Variants in PLCH1 observed in about 807,000 individuals in gnomAD.
PLCH1 encodes the protein phospholipase C eta 1.
Under a neutral mutation model 126.7 loss-of-function variants are expected in PLCH1, and 60 were observed. The observed-to-expected ratio is 0.47, with a 90% CI of 0.38 to 0.59. The LOEUF is 0.59. Ranked by LOEUF, PLCH1 falls within the 20% of genes least tolerant of loss-of-function variation. The pLI, the probability that PLCH1 is intolerant of heterozygous loss-of-function variation, is 0.00. For synonymous variants in PLCH1, 719 were observed against 734.9 expected (o/e 0.98, Z 0.35); for missense variants, 1,723 against 2,040.0 (o/e 0.84, Z 2.99).
Position 155,563,988 on chromosome 3 carries a change from A to G in PLCH1, c.1069+927T>C, listed in dbSNP as rs143953736. Among the ~76,000 whole-genome samples the G allele has an allele frequency of 1.9e-3, 282 of 152,134 alleles. 1 individual carries two copies. The Middle Eastern group carries it at 0.034, about 18-fold the overall frequency. ...GTCTCACTGTGTTGCTCAGACTGGAATGCAATAGCTATTCACAGGCACAAT... is the reference window on the plus strand; with the variant it reads ...GTCTCACTGTGTTGCTCAGACTGGAGTGCAATAGCTATTCACAGGCACAAT... On this transcript the variant is annotated intron_variant, in intron 8 of 22. Transcript: ENST00000460012.
intron 2 of PLCH1, 34 bp from the exon 3 acceptor site, chr3:155,596,412 C>T (rs764941075): frequency 1.3e-6 from 2 of 1,589,338 alleles, no homozygotes; most frequent in Non-Finnish European, 1.7e-6. Flanking sequence ...CCAGCTATCA[C>T]ACAATGCACA....
chr3:155,623,454 C>A (rs999599903), intron 2 of PLCH1, among the ~76,000 whole-genome samples: 9 of 151,774 alleles, frequency 5.9e-5, no homozygotes, highest in Non-Finnish European at 1.3e-4. Context: ...TCAAAAAAAA[C>A]CAATGAATCC....
In PLCH1 at chr3:155,740,343, A is replaced by G. The variant is rs6806577; in HGVS notation, c.-41+4497T>C. On this transcript the variant is annotated intron_variant, in intron 1 of 22. Transcript: ENST00000460012. ...GGAGAATCACTTGAACCCAGGAGGT[A>G]GAGGTTGCAGTGAGCCAAGATCTAC... is the stretch of plus-strand genomic sequence containing the variant. 2.4e-3 allele frequency among the ~76,000 whole-genome samples: 352 copies of G among 149,460 alleles called. 2 individuals carry two copies. The highest frequency in any genetic ancestry group is 8.0e-3 in the African/African-American group (325 of 40,830).
At chr3:155,633,895 C>G (rs1738394196) in intron 2 of PLCH1, among the ~76,000 whole-genome samples, 1 of 152,174 alleles carries the variant, frequency 6.6e-6, no homozygotes, top group African/African-American at 2.4e-5. Context: ...CCCTCAGCAA[C>G]AGAGCGAGAC....
At chr3:155,488,180 T>A in intron 20 of PLCH1, 73 bp from the exon 21 acceptor site, 1 of 859,618 alleles carries the variant, frequency 1.2e-6, no homozygotes, top group Non-Finnish European at 2.0e-6. Flanking sequence ...GCAACAAAAT[T>A]AAGTATCTGA....
intron 2 of PLCH1, among the ~76,000 whole-genome samples, chr3:155,604,115 A>C (rs1264121763): frequency 1.3e-5 from 2 of 152,122 alleles, no homozygotes; most frequent in African/African-American, 4.8e-5. Context: ...ATCAATCAAT[A>C]AAATATTAAG....
At chr3:155,565,357 T>C (rs553069660) in intron 7 of PLCH1, among the ~76,000 whole-genome samples, 11 of 152,254 alleles carry the variant, frequency 7.2e-5, no homozygotes, top group Admixed American at 2.0e-4. Flanking sequence ...AGGTGGGCCC[T>C]GGTGGGAGGT....
chr3:155,488,139 A>G, intron 20 of PLCH1, 32 bp from the exon 21 acceptor site: 1 of 1,276,146 alleles, frequency 7.8e-7, no homozygotes, highest in Non-Finnish European at 1.1e-6. Context: ...GTTTCTTTTT[A>G]GTTGAACTTG....
At chr3:155,532,988 A>G (rs1391350982) in intron 10 of PLCH1, among the ~76,000 whole-genome samples, 1 of 152,172 alleles carries the variant, frequency 6.6e-6, no homozygotes, top group Non-Finnish European at 1.5e-5. Flanking sequence ...AACTTGTTGA[A>G]TGGTTTTGAC....
At chr3:155,706,166 C>T (rs1181792728) in intron 1 of PLCH1, among the ~76,000 whole-genome samples, 2 of 84,840 alleles carry the variant, frequency 2.4e-5, no homozygotes, top group Admixed American at 3.2e-4. Flanking sequence ...GAACAAGACT[C>T]TATCTCAAAA....
intron 2 of PLCH1, among the ~76,000 whole-genome samples, chr3:155,596,808 T>C (rs927572948): frequency 6.6e-5 from 10 of 152,242 alleles, no homozygotes; most frequent in African/African-American, 2.4e-4. Context: ...GGCAAAATGC[T>C]GACTGTTGTT....
chr3:155,568,530 G>A (rs1728805583), intron 6 of PLCH1, among the ~76,000 whole-genome samples: 1 of 152,086 alleles, frequency 6.6e-6, no homozygotes, highest in African/African-American at 2.4e-5. Context: ...GATTGAATCA[G>A]CAAAAATAGC....
chr3:155,469,644 C>A (rs563650530), intron 21 of PLCH1, among the ~76,000 whole-genome samples: 2 of 152,124 alleles, frequency 1.3e-5, no homozygotes, highest in African/African-American at 4.8e-5. Flanking sequence ...AACAAAAAGA[C>A]AGCAGTAACC....
chr3:155,685,317 A>G (rs1744854294), intron 2 of PLCH1, among the ~76,000 whole-genome samples: 3 of 152,356 alleles, frequency 2.0e-5, no homozygotes, highest in Non-Finnish European at 4.4e-5. Flanking sequence ...GGAGAAGATT[A>G]AGGTGGCAGC....
chr3:155,662,393 A>G (rs1742270446), intron 2 of PLCH1, among the ~76,000 whole-genome samples: 1 of 152,190 alleles, frequency 6.6e-6, no homozygotes, highest in Non-Finnish European at 1.5e-5. Flanking sequence ...GTTTGAGCCC[A>G]GGAGTTAGAG....
chr3:155,715,461 C>T (rs4680213), intron 1 of PLCH1, among the ~76,000 whole-genome samples: 9,300 of 152,056 alleles, frequency 0.061, 671 homozygotes, highest in African/African-American at 0.17. Flanking sequence ...TGCGCCAACA[C>T]ACCCAACTAA....
intron 10 of PLCH1, among the ~76,000 whole-genome samples, chr3:155,546,386 A>C (rs1384251637): frequency 6.6e-6 from 1 of 152,208 alleles, no homozygotes; most frequent in African/African-American, 2.4e-5. Context: ...AGGAAATTAA[A>C]GAGGATACAA....
chr3:155,552,462 G>C (rs1726275435), intron 9 of PLCH1, among the ~76,000 whole-genome samples: 2 of 152,186 alleles, frequency 1.3e-5, no homozygotes, highest in Admixed American at 1.3e-4. Flanking sequence ...GGTGGTATTA[G>C]TAACTTGTTG....
intron 1 of PLCH1, among the ~76,000 whole-genome samples, chr3:155,743,955 C>T (rs1749801327): frequency 6.6e-6 from 1 of 152,056 alleles, no homozygotes; most frequent in South Asian, 2.1e-4. Flanking sequence ...TAATCTCTCA[C>T]CATTTTCTTC....
Sources: allele counts gnomAD v4.1 joint callset (sites outside exome capture counted in the v4.1 genomes callset), GRCh38; gene constraint gnomAD v4.1.1; transcripts MANE v1.5; gene names NCBI Gene and HGNC (gene_info 2026-07-23, HGNC 2026-07-21).